CXCL13: variants seen among roughly 807,000 people sequenced by gnomAD.
CXCL13 encodes C-X-C motif chemokine ligand 13, also known as C-X-C motif chemokine 13.
A neutral mutation model predicts 12.2 loss-of-function variants in CXCL13; 7 were observed. That is an observed-to-expected ratio of 0.57 (90% confidence interval 0.33 to 1.07). CXCL13 has a LOEUF of 1.07. Ranked by LOEUF, CXCL13 falls within the 50% of genes least tolerant of loss-of-function variation. The pLI, the probability that CXCL13 is intolerant of heterozygous loss-of-function variation, is 0.04. For missense variants in CXCL13, 113 were observed against 127.4 expected, an observed-to-expected ratio of 0.89 and a Z score of 0.55; for synonymous variants, 47 against 42.4, an observed-to-expected ratio of 1.11 and a Z score of -0.42.
At chr4:77,584,829 C>G (rs1433461681) in intron 1 of CXCL13, among the ~76,000 whole-genome samples, 2 of 152,000 alleles carry the variant, frequency 1.3e-5, no homozygotes. Context: ...TGCTTTTTCT[C>G]CTCTAGGTTT....
At position 77,548,902 on chromosome 4, in the gene CXCL13, G is replaced by T. The variant is rs147960517; in HGVS notation, c.-43+37114G>T. Among the ~76,000 whole-genome samples, 678 of 152,254 alleles carry T rather than the reference G, an allele frequency of 4.5e-3. 19 individuals carry two copies. Among genetic ancestry groups the T allele is most frequent in the East Asian group, 0.028 (143 of 5,184 alleles). On this transcript the variant is annotated intron_variant, in intron 1 of 4. Coordinates refer to the CXCL13 transcript ENST00000286758. ...AGCCTGCATTGCTAGGTTGGGGAAGGTCTCCTGGGTGATATCCTGAAGAGT... is the reference window on the plus strand; with the variant it reads ...AGCCTGCATTGCTAGGTTGGGGAAGTTCTCCTGGGTGATATCCTGAAGAGT...
At chr4:77,534,119 C>T (rs996189745) in intron 1 of CXCL13, among the ~76,000 whole-genome samples, 10 of 152,320 alleles carry the variant, frequency 6.6e-5, no homozygotes, top group Admixed American at 2.0e-4. Flanking sequence ...CCGTCTTCTG[C>T]GTTGCTCATG....
intron 1 of CXCL13, among the ~76,000 whole-genome samples, chr4:77,525,155 G>T (rs1190923994): frequency 6.6e-6 from 1 of 152,196 alleles, no homozygotes; most frequent in African/African-American, 2.4e-5. Flanking sequence ...TTTCTCTGAT[G>T]CTGGCCACAT....
At chr4:77,603,423 C>T (rs899332328), upstream of CXCL13, among the ~76,000 whole-genome samples, 1 of 152,120 alleles carries the variant, frequency 6.6e-6, no homozygotes, top group African/African-American at 2.4e-5. Flanking sequence ...CTGGCAAAGC[C>T]ATAATTGAGG....
chr4:77,575,684 C>T (rs1726181016), intron 1 of CXCL13, among the ~76,000 whole-genome samples: 1 of 151,656 alleles, frequency 6.6e-6, no homozygotes, highest in African/African-American at 2.4e-5. Context: ...TAACAGGCTT[C>T]CCAGAATCAA....
chr4:77,542,624 T>A (rs1031661854), intron 1 of CXCL13, among the ~76,000 whole-genome samples: 1 of 152,144 alleles, frequency 6.6e-6, no homozygotes, highest in Non-Finnish European at 1.5e-5. Context: ...AACAATATCA[T>A]GTGGTTTTTG....
rs188199450 is a variant in CXCL13, at chr4:77,546,568, G to T, written c.-43+34780G>T. Among the ~76,000 whole-genome samples, 669 of 152,238 alleles carry T rather than the reference G, an allele frequency of 4.4e-3. 17 individuals are homozygous for T. The highest frequency in any genetic ancestry group is 0.026 in the East Asian group (137 of 5,184). Reference sequence around the variant, plus strand: ...GTATAGTATTCTCTGATGGTAGTTTGTATTTCTGTGGGATCAGTGGTGATA... The same window carrying T: ...GTATAGTATTCTCTGATGGTAGTTTTTATTTCTGTGGGATCAGTGGTGATA... On this transcript the variant is annotated intron_variant, in intron 1 of 4. Transcript: ENST00000286758.
At chr4:77,591,645 A>C (rs992082957) in intron 1 of CXCL13, among the ~76,000 whole-genome samples, 5 of 152,114 alleles carry the variant, frequency 3.3e-5, no homozygotes. Flanking sequence ...CTCTAGTCCA[A>C]TCCCCAGAAA....
intron 1 of CXCL13, among the ~76,000 whole-genome samples, chr4:77,529,192 T>C (rs915279093): frequency 6.6e-6 from 1 of 152,238 alleles, no homozygotes; most frequent in Non-Finnish European, 1.5e-5. Context: ...CCTTGTAGCA[T>C]AGTTTGAGGT....
intron 1 of CXCL13, among the ~76,000 whole-genome samples, chr4:77,529,965 A>G (rs1390942651): frequency 6.6e-6 from 1 of 152,166 alleles, no homozygotes; most frequent in Non-Finnish European, 1.5e-5. Flanking sequence ...TACCTAATTT[A>G]TTGAGAGTTT....
chr4:77,526,823 C>A (rs541592555), intron 1 of CXCL13, among the ~76,000 whole-genome samples: 205 of 152,222 alleles, frequency 1.3e-3, no homozygotes, highest in Non-Finnish European at 2.5e-3. Flanking sequence ...GAAGAAGAGG[C>A]CTTTGAGCTG....
intron 1 of CXCL13, among the ~76,000 whole-genome samples, chr4:77,583,605 G>C (rs1189044539): frequency 6.6e-6 from 1 of 152,168 alleles, no homozygotes; most frequent in African/African-American, 2.4e-5. Context: ...AGGGTACTGA[G>C]TTCTCCTTTC....
chr4:77,557,642 C>G (rs781159263), intron 1 of CXCL13, among the ~76,000 whole-genome samples: 9 of 152,206 alleles, frequency 5.9e-5, no homozygotes, highest in Non-Finnish European at 1.3e-4. Context: ...TGAGTAAGAA[C>G]CACCACCTGT....
chr4:77,590,800 T>C (rs1726586322), intron 1 of CXCL13, among the ~76,000 whole-genome samples: 1 of 152,248 alleles, frequency 6.6e-6, no homozygotes, highest in South Asian at 2.1e-4. Flanking sequence ...ATTTTTATTT[T>C]GTGACCAGAA....
At chr4:77,520,960 TC>T (rs1724579851) in intron 1 of CXCL13, among the ~76,000 whole-genome samples, 1 of 152,228 alleles carries the variant, frequency 6.6e-6, no homozygotes, top group Non-Finnish European at 1.5e-5. Flanking sequence ...CTTTTCTGCA[TC>T]CATTGAGATA....
chr4:77,575,116 C>A, intron 1 of CXCL13, among the ~76,000 whole-genome samples: 1 of 151,794 alleles, frequency 6.6e-6, no homozygotes, highest in East Asian at 1.9e-4. Context: ...GTAAATTAAG[C>A]ATTGAAATAA....
chr4:77,570,851 G>A (rs904098231), intron 1 of CXCL13, among the ~76,000 whole-genome samples: 2 of 151,978 alleles, frequency 1.3e-5, no homozygotes, highest in Non-Finnish European at 2.9e-5. Flanking sequence ...AGCAGTGCCA[G>A]CCCACCGGTG....
At position 77,584,873 on chromosome 4, in the gene CXCL13, A is replaced by C. The variant is rs150404053; in HGVS notation, c.-42-20951A>C. On this transcript the variant is annotated intron_variant, in intron 1 of 4. Coordinates refer to the CXCL13 transcript ENST00000286758. Reference sequence around the variant, plus strand: ...AATGGCAAAAGGAAGGAGAAATACTAGGCATCACAATCCAAGAATATAAGA... The same window carrying C: ...AATGGCAAAAGGAAGGAGAAATACTCGGCATCACAATCCAAGAATATAAGA... Among the ~76,000 whole-genome samples the C allele has an allele frequency of 3.6e-3, 554 of 152,336 alleles. 2 individuals carry two copies. Among genetic ancestry groups the C allele is most frequent in the African/African-American group, 0.013 (522 of 41,572 alleles).
chr4:77,548,056 T>A lies in CXCL13; in HGVS notation c.-43+36268T>A, dbSNP rs184368322. On this transcript the variant is annotated intron_variant, in intron 1 of 4. Transcript: ENST00000286758. ...AAATTTTTTTTAAGGACTAGAATAG[T>A]GTTTAATATCAATTTCTGAGAAATC... 2.1e-3 allele frequency among the ~76,000 whole-genome samples: 319 copies of A among 152,322 alleles called. 2 individuals are homozygous for A. The highest frequency in any genetic ancestry group is 7.4e-3 in the African/African-American group (307 of 41,570).
Sources: gnomAD v4.1 joint callset for allele counts (sites outside exome capture counted in the v4.1 genomes callset) on GRCh38, gnomAD v4.1.1 for gene constraint, MANE v1.5 for transcripts, NCBI Gene and HGNC (gene_info 2026-07-23, HGNC 2026-07-21) for gene names.